Variants in SLC2A7 observed in about 807,000 individuals in gnomAD.
SLC2A7 encodes the protein solute carrier family 2, facilitated glucose transporter member 7.
A neutral mutation model predicts 50.5 loss-of-function variants in SLC2A7; 50 were observed. That is an observed-to-expected ratio of 0.99 (90% CI 0.79 to 1.25). The LOEUF is 1.25. SLC2A7 is among the 50% of genes most tolerant of loss of function. The pLI is 0.00. For synonymous variants in SLC2A7, 308 were observed against 300.4 expected, an observed-to-expected ratio of 1.03 and a Z score of -0.26; for missense variants, 683 against 679.1, an observed-to-expected ratio of 1.01 and a Z score of -0.06.
the SLC2A7 span, among the ~76,000 whole-genome samples, chr1:8,994,815 G>A: frequency 1.3e-5 from 2 of 151,752 alleles, no homozygotes; most frequent in Non-Finnish European, 2.9e-5. Flanking sequence ...CCATCGCCCA[G>A]GCTGGAGTTC....
At chr1:9,024,307 T>C (rs1266377317) in intron 2 of SLC2A7, among the ~76,000 whole-genome samples, 2 of 152,352 alleles carry the variant, frequency 1.3e-5, no homozygotes, top group African/African-American at 4.8e-5. Flanking sequence ...GGTACATTGC[T>C]TGACTCGGAG....
In SLC2A7 at chr1:9,014,667, A is replaced by T; in HGVS notation, c.903+14T>A. The T allele has an allele frequency of 6.4e-7, 1 of 1,551,252 alleles. No homozygotes were observed. Among genetic ancestry groups the T allele is most frequent in the Non-Finnish European group, 8.7e-7 (1 of 1,147,266 alleles). Reference sequence around the variant, plus strand: ...GCTTCATCTGTCTCCCTGCCTGGCCACCGTCCCACATACCGCATTGATGCC... The same window carrying T: ...GCTTCATCTGTCTCCCTGCCTGGCCTCCGTCCCACATACCGCATTGATGCC... On this transcript the variant is annotated intron_variant, in intron 7 of 11. Transcript: ENST00000400906.
intron 5 of SLC2A7, among the ~76,000 whole-genome samples, chr1:9,017,890 C>T (rs1486869857): frequency 1.3e-5 from 2 of 152,190 alleles, no homozygotes; most frequent in Non-Finnish European, 1.5e-5. Context: ...TCCCTCTGTA[C>T]TGGACCATTC....
At position 9,015,134 on chromosome 1, in the gene SLC2A7, T is replaced by C; in HGVS notation, c.698A>G (p.Glu233Gly). ...CTTCATACCTTGTCGCGCTGTGGCTTCATCTCCTTTCTGAATCAGGGAGTA... is the reference window on the plus strand; with the variant it reads ...CTTCATACCTTGTCGCGCTGTGGCTCCATCTCCTTTCTGAATCAGGGAGTA... Reference protein sequence around the residue: ...PRYSLIQKGDEATARQALRRL... With the variant: ...PRYSLIQKGDGATARQALRRL... Residue 233 changes from glutamate to glycine, a missense_variant, in exon 6 of 12, where the codon GAA becomes GGA. Physicochemically the swap from Glu to Gly is moderately conservative, Grantham distance 98. Transcript: ENST00000400906. 1 of 1,613,454 alleles carries C rather than the reference T, an allele frequency of 6.2e-7. No homozygotes were observed. Among genetic ancestry groups the C allele is most frequent in the Non-Finnish European group, 8.5e-7 (1 of 1,179,862 alleles).
At chr1:9,005,060 A>C (rs60512841) in intron 10 of SLC2A7, among the ~76,000 whole-genome samples, 181 bp from the exon 11 acceptor site, 11,376 of 152,278 alleles carry the variant, frequency 0.075, 534 homozygotes, top group East Asian at 0.15. Flanking sequence ...CAGGAGCTGC[A>C]AAGATCCACT....
At chr1:9,000,049 G>A (rs1211311417), downstream of SLC2A7, among the ~76,000 whole-genome samples, 1 of 152,212 alleles carries the variant, frequency 6.6e-6, no homozygotes, top group Non-Finnish European at 1.5e-5. Context: ...GACATGCAAA[G>A]TAAAACTAAA....
intron 4 of SLC2A7, among the ~76,000 whole-genome samples, chr1:9,018,696 A>G (rs1305575272): frequency 1.3e-5 from 2 of 152,098 alleles, no homozygotes; most frequent in Non-Finnish European, 2.9e-5. Context: ...GCTTTGGTCT[A>G]TTTTCTGATT....
At chr1:9,005,200 G>C (rs533430952) in intron 10 of SLC2A7, among the ~76,000 whole-genome samples, 76 of 152,304 alleles carry the variant, frequency 5.0e-4, no homozygotes, top group African/African-American at 1.8e-3. Context: ...GAGTGAGTGG[G>C]CTCCAGCTCA....
downstream of SLC2A7, among the ~76,000 whole-genome samples, chr1:9,002,324 G>A (rs1361740491): frequency 6.6e-6 from 1 of 152,142 alleles, no homozygotes; most frequent in Non-Finnish European, 1.5e-5. Flanking sequence ...TCTCCTGCTC[G>A]TCCCTGGGAA....
intron 1 of SLC2A7, 147 bp from the exon 2 acceptor site, chr1:9,025,221 G>A (rs570567126): frequency 2.4e-5 from 18 of 760,282 alleles, no homozygotes; most frequent in Non-Finnish European, 3.7e-5. Flanking sequence ...AGGAGGTGGC[G>A]CAGGGCTGGG....
chr1:9,023,096 A>G lies in SLC2A7; in HGVS notation c.151-18T>C, dbSNP rs753436831. 2.7e-5 allele frequency: 43 copies of G among 1,609,356 alleles called. No individual in the cohort carries two copies. In the Admixed American group the frequency reaches 6.9e-4, roughly 26 times the overall value. On this transcript the variant is annotated intron_variant, in intron 2 of 11. Transcript: ENST00000400906. ...TTGAAGACCTGGAAAACATTGCCCC[A>G]TCCACAGCTAAGAATATTGGGCAGT... is the stretch of plus-strand genomic sequence containing the variant.
chr1:9,025,967 G>T (rs1640993992), intron 1 of SLC2A7, among the ~76,000 whole-genome samples: 1 of 152,208 alleles, frequency 6.6e-6, no homozygotes, highest in Non-Finnish European at 1.5e-5. Flanking sequence ...AGACAGAAGG[G>T]CAGGATTCGG....
Position 9,010,257 on chromosome 1 carries a change from G to A in SLC2A7, c.1015-13C>T. On this transcript the variant is annotated splice_polypyrimidine_tract_variant and intron_variant, in intron 8 of 11. Transcript: ENST00000400906. ...CCACAAGGACAGCCTGGAGGGGAAG[G>A]GGGACAGTGAGAAGCCGCCTTGGCC... 6.5e-7 allele frequency: 1 copy of A among 1,549,762 alleles called. No homozygotes were observed. Among genetic ancestry groups the A allele is most frequent in the East Asian group, 2.4e-5 (1 of 40,914 alleles).
downstream of SLC2A7, among the ~76,000 whole-genome samples, chr1:9,002,325 TC>T (rs1640587070): frequency 6.6e-6 from 1 of 152,004 alleles, no homozygotes; most frequent in Non-Finnish European, 1.5e-5. Flanking sequence ...CTCCTGCTCG[TC>T]CCTGGGAACG....
the SLC2A7 span, among the ~76,000 whole-genome samples, chr1:8,995,023 AG>A: frequency 6.6e-6 from 1 of 151,594 alleles, no homozygotes; most frequent in African/African-American, 2.4e-5. Flanking sequence ...CACCTGCCTC[AG>A]CCTCCCAAAG....
intron 8 of SLC2A7, among the ~76,000 whole-genome samples, chr1:9,012,829 T>C (rs1451429228): frequency 6.6e-6 from 1 of 152,200 alleles, no homozygotes; most frequent in East Asian, 1.9e-4. Flanking sequence ...ATACCATGTA[T>C]TGCAGTCACC....
chr1:9,017,229 A>C (rs1389445084), intron 5 of SLC2A7, among the ~76,000 whole-genome samples: 1 of 152,202 alleles, frequency 6.6e-6, no homozygotes, highest in Non-Finnish European at 1.5e-5. Context: ...CTGAGGCAGG[A>C]GAACTGCTTG....
At chr1:9,010,278 T>C in intron 8 of SLC2A7, 34 bp from the exon 9 acceptor site, 1 of 1,534,960 alleles carries the variant, frequency 6.5e-7, no homozygotes, top group Non-Finnish European at 8.8e-7. Flanking sequence ...GAAGCCGCCT[T>C]GGCCTGGCGC....
intron 1 of SLC2A7, among the ~76,000 whole-genome samples, chr1:9,025,531 G>A (rs1268280773): frequency 6.6e-6 from 1 of 152,218 alleles, no homozygotes; most frequent in East Asian, 1.9e-4. Context: ...GTGTTCAGTA[G>A]GGTGGGCAGG....
Sources: gnomAD v4.1 joint callset for allele counts (sites outside exome capture counted in the v4.1 genomes callset) on GRCh38, gnomAD v4.1.1 for gene constraint, MANE v1.5 for transcripts, NCBI Gene and HGNC (gene_info 2026-07-23, HGNC 2026-07-21) for gene names.